PACSIN2: variants seen among roughly 807,000 people sequenced by gnomAD.
PACSIN2 encodes the protein protein kinase C and casein kinase substrate in neurons 2.
In PACSIN2, 25 loss-of-function variants were observed where a neutral mutation model predicts 63.8. That is an observed-to-expected ratio of 0.39 (90% CI 0.29 to 0.55). The LOEUF (loss-of-function observed/expected upper bound fraction) is 0.55, where lower values mean the gene tolerates loss of function less well. Among genes scored for constraint, PACSIN2 ranks in the 20% least tolerant of loss-of-function variants. The probability of loss-of-function intolerance (pLI) is 0.62; values close to 1 mark genes in which losing one functional copy is unlikely to be tolerated. For missense variants in PACSIN2, 518 were observed against 646.9 expected, an observed-to-expected ratio of 0.80 and a Z score of 2.16; for synonymous variants, 255 against 256.2, an observed-to-expected ratio of 1.00 and a Z score of 0.05.
At position 42,870,400 on chromosome 22, in the gene PACSIN2, A is replaced by G. The variant is rs1431202495; in HGVS notation, c.*957T>C. ...AGACTTCAAGCAGTTTACAAACGAAACTCACTGTTAAAAGCTGTTAAATCT... is the reference window on the plus strand; with the variant it reads ...AGACTTCAAGCAGTTTACAAACGAAGCTCACTGTTAAAAGCTGTTAAATCT... On this transcript the variant is annotated 3_prime_UTR_variant, in exon 11 of 11. Coordinates refer to ENST00000263246, the MANE Select transcript of PACSIN2 (RefSeq NM_001184970.3). 6.6e-6 allele frequency: 1 copy of G among 152,176 alleles called. No individual in the cohort carries two copies. Among genetic ancestry groups the G allele is most frequent in the Admixed American group, 6.5e-5 (1 of 15,278 alleles). The allele number at this position is 152,176 out of a possible 1,614,324, so 9.4% of individuals were successfully genotyped here.
chr22:42,952,309 T>C (rs1171318937), intron 1 of PACSIN2, among the ~76,000 whole-genome samples: 1 of 151,798 alleles, frequency 6.6e-6, no homozygotes, highest in Non-Finnish European at 1.5e-5. Context: ...TTGAAGAAAT[T>C]TATTTATTTA....
chr22:42,900,352 C>T (rs940029617), intron 2 of PACSIN2, among the ~76,000 whole-genome samples: 2 of 152,218 alleles, frequency 1.3e-5, no homozygotes, highest in Admixed American at 6.5e-5. Context: ...TCACTAGCGA[C>T]GGCGTCATAA....
intron 1 of PACSIN2, among the ~76,000 whole-genome samples, chr22:42,979,253 G>C (rs1921905856): frequency 6.6e-6 from 1 of 152,154 alleles, no homozygotes; most frequent in South Asian, 2.1e-4. Flanking sequence ...GCCAGGTGCG[G>C]TGGCTCATGC....
chr22:42,890,362 G>C (rs1018915302), intron 4 of PACSIN2, among the ~76,000 whole-genome samples: 4 of 152,196 alleles, frequency 2.6e-5, no homozygotes, highest in African/African-American at 9.7e-5. Flanking sequence ...TAGTGGTTAA[G>C]AGCTTGGGCT....
intron 1 of PACSIN2, among the ~76,000 whole-genome samples, chr22:42,925,827 C>G (rs1932501510): frequency 6.6e-6 from 1 of 152,210 alleles, no homozygotes; most frequent in African/African-American, 2.4e-5. Flanking sequence ...ACCGGCCTCA[C>G]GGGAGGCCCT....
At chr22:42,988,324 T>C (rs1327845283) in intron 1 of PACSIN2, among the ~76,000 whole-genome samples, 2 of 152,118 alleles carry the variant, frequency 1.3e-5, no homozygotes, top group East Asian at 3.9e-4. Flanking sequence ...AGCTGTGGGA[T>C]GTGTGAGTGA....
chr22:42,904,151 C>T (rs1042127546), intron 2 of PACSIN2, among the ~76,000 whole-genome samples: 1 of 152,188 alleles, frequency 6.6e-6, no homozygotes, highest in Non-Finnish European at 1.5e-5. Context: ...GATGTGTTTA[C>T]GCAAAGCTGT....
chr22:42,953,330 T>A (rs1933780335), intron 1 of PACSIN2, among the ~76,000 whole-genome samples: 2 of 151,922 alleles, frequency 1.3e-5, no homozygotes, highest in African/African-American at 4.8e-5. Context: ...ATGGGCATGA[T>A]GAAATGCAAT....
intron 1 of PACSIN2, among the ~76,000 whole-genome samples, chr22:42,920,935 T>G (rs1455429189): frequency 6.6e-6 from 1 of 150,630 alleles, no homozygotes; most frequent in Non-Finnish European, 1.5e-5. Context: ...CCCCAGTAGC[T>G]AGAACCACAG....
At chr22:42,987,164 C>A (rs9623731) in intron 1 of PACSIN2, among the ~76,000 whole-genome samples, 1 of 152,012 alleles carries the variant, frequency 6.6e-6, no homozygotes, top group Non-Finnish European at 1.5e-5. Flanking sequence ...GGGTTCAAAC[C>A]CTGACTCTGT....
intron 1 of PACSIN2, among the ~76,000 whole-genome samples, chr22:42,923,373 C>G (rs531787850): frequency 7.2e-5 from 11 of 152,196 alleles, no homozygotes; most frequent in African/African-American, 1.4e-4. Flanking sequence ...CCCGCAGGCC[C>G]GCATCTGCTC....
intron 2 of PACSIN2, among the ~76,000 whole-genome samples, chr22:42,904,516 T>C (rs1930927672): frequency 6.6e-6 from 1 of 152,196 alleles, no homozygotes; most frequent in African/African-American, 2.4e-5. Context: ...GCTGAAGACC[T>C]GAGGCTTTTG....
At chr22:42,936,304 C>G (rs982545840) in intron 1 of PACSIN2, among the ~76,000 whole-genome samples, 1 of 152,048 alleles carries the variant, frequency 6.6e-6, no homozygotes, top group Non-Finnish European at 1.5e-5. Context: ...TCACTTAGAT[C>G]ATGCGGGGAA....
At chr22:42,927,164 C>T (rs1202710727) in intron 1 of PACSIN2, among the ~76,000 whole-genome samples, 1 of 152,210 alleles carries the variant, frequency 6.6e-6, no homozygotes, top group East Asian at 1.9e-4. Context: ...CTTCACTGTC[C>T]TTGCAGCCAA....
chr22:42,991,705 T>C (rs972579), intron 1 of PACSIN2, among the ~76,000 whole-genome samples: 92,708 of 151,280 alleles, frequency 0.61, 28,983 homozygotes, highest in East Asian at 0.78. Flanking sequence ...ATCCAAGGGC[T>C]CAGAACCACA....
At position 43,010,398 on chromosome 22, in the gene PACSIN2, A is replaced by ATATATATATATATT; in HGVS notation, c.-78+4622_-78+4623insAATATATATATATA. On this transcript the variant is annotated intron_variant, in intron 1 of 10. Transcript: ENST00000263246. ...TGTTTAAAAATACATATATATATATATTTTTTTTTAATTGAAAATAAAAAA... is the reference window on the plus strand; with the variant it reads ...TGTTTAAAAATACATATATATATATATATATATATATATTTTTTTTTTTAATTGAAAATAAAAAA... Among the ~76,000 whole-genome samples, 106 of 126,406 alleles carry ATATATATATATATT rather than the reference A, an allele frequency of 8.4e-4. 1 individual carries two copies. Among genetic ancestry groups the ATATATATATATATT allele is most frequent in the African/African-American group, 3.0e-3 (105 of 35,352 alleles). 82.9% of individuals were successfully genotyped at this position (126,406 alleles called of 152,430 possible). A position where few individuals can be genotyped will look rare whatever the true frequency, so the allele number is the denominator to read the frequency against.
chr22:42,878,277 C>T (rs5759007), intron 8 of PACSIN2, among the ~76,000 whole-genome samples: 65,639 of 152,150 alleles, frequency 0.43, 14,705 homozygotes, highest in Non-Finnish European at 0.48. Flanking sequence ...GCCCAGACAG[C>T]GTGCAAAGCA....
intron 4 of PACSIN2, among the ~76,000 whole-genome samples, chr22:42,889,373 T>TACACACACACAC (rs58408551): frequency 0.037 from 4,571 of 122,512 alleles, 241 homozygotes; most frequent in African/African-American, 0.11. Context: ...TAATGGTTTT[T>TACACACACACAC]ACACACACAC....
chr22:43,012,154 A>ATACATACATAC (rs1924533129), intron 1 of PACSIN2, among the ~76,000 whole-genome samples: 4 of 133,906 alleles, frequency 3.0e-5, no homozygotes, highest in South Asian at 2.4e-4. Flanking sequence ...AAAATAAATA[A>ATACATACATAC]ATACATACAT....
Sources: gnomAD v4.1 joint callset for allele counts (sites outside exome capture counted in the v4.1 genomes callset) on GRCh38, gnomAD v4.1.1 for gene constraint, MANE v1.5 for transcripts, NCBI Gene and HGNC (gene_info 2026-07-23, HGNC 2026-07-21) for gene names.